Variants in EBF1 observed in about 807,000 individuals in gnomAD.
EBF1 encodes EBF transcription factor 1, also known as transcription factor COE1.
Under a neutral mutation model 68.4 loss-of-function variants are expected in EBF1, and 10 were observed. That is an observed-to-expected ratio of 0.15 (90% CI 0.09 to 0.25). The LOEUF is 0.25. Ranked by LOEUF, EBF1 falls within the 10% of genes least tolerant of loss-of-function variation. The pLI, the probability that EBF1 is intolerant of heterozygous loss-of-function variation, is 1.00. For missense variants in EBF1, 509 were observed against 794.4 expected, an observed-to-expected ratio of 0.64 and a Z score of 4.32; for synonymous variants, 298 against 299.8, an observed-to-expected ratio of 0.99 and a Z score of 0.06.
intron 7 of EBF1, among the ~76,000 whole-genome samples, chr5:158,835,411 A>G (rs77662959): frequency 0.056 from 8,556 of 152,262 alleles, 794 homozygotes; most frequent in African/African-American, 0.2. Context: ...AAATTGATCA[A>G]CACTGTAGCT....
intron 6 of EBF1, among the ~76,000 whole-genome samples, chr5:159,057,039 G>A (rs1318305935): frequency 6.6e-6 from 1 of 151,424 alleles, no homozygotes; most frequent in Non-Finnish European, 1.5e-5. Flanking sequence ...AATATTTTAT[G>A]ATGGGATATT....
intron 11 of EBF1, among the ~76,000 whole-genome samples, chr5:158,727,239 C>T (rs1037448303): frequency 2.6e-5 from 4 of 152,220 alleles, no homozygotes; most frequent in Non-Finnish European, 4.4e-5. Flanking sequence ...ACAGCTGACA[C>T]GCCTGACGCC....
At chr5:159,098,404 A>G (rs1355295470) in intron 1 of EBF1, among the ~76,000 whole-genome samples, 1 of 152,200 alleles carries the variant, frequency 6.6e-6, no homozygotes, top group Admixed American at 6.5e-5. Flanking sequence ...AGATATCAGA[A>G]TTAAAGTTGG....
rs542231751 is a variant in EBF1, at chr5:158,806,175, G to T, written c.779-9700C>A. On this transcript the variant is annotated intron_variant, in intron 8 of 15. Transcript: ENST00000313708. Reference sequence around the variant, plus strand: ...GCCATTAAGCCAGAGCTTGGTAGATGGCTCTGGGTTTCAACTCTATGACAA... The same window carrying T: ...GCCATTAAGCCAGAGCTTGGTAGATTGCTCTGGGTTTCAACTCTATGACAA... Among the ~76,000 whole-genome samples, 334 of 152,214 alleles carry T rather than the reference G, an allele frequency of 2.2e-3. 3 individuals carry two copies. Among genetic ancestry groups the T allele is most frequent in the African/African-American group, 7.9e-3 (327 of 41,544 alleles).
chr5:159,057,506 C>T (rs1325938768), intron 6 of EBF1, among the ~76,000 whole-genome samples: 2 of 152,158 alleles, frequency 1.3e-5, no homozygotes, highest in Non-Finnish European at 2.9e-5. Context: ...TGGACCCAAA[C>T]CCAGAAAAGA....
In EBF1 at chr5:158,823,165, G is replaced by T; in HGVS notation, c.778+11C>A. The T allele has an allele frequency of 6.2e-7, 1 of 1,613,858 alleles. No individual in the cohort carries two copies. Among genetic ancestry groups the T allele is most frequent in the South Asian group, 1.1e-5 (1 of 91,068 alleles). On this transcript the variant is annotated intron_variant, in intron 8 of 15. Transcript: ENST00000313708. ...AGTAGCAATGCCAACCAATGAAAAT[G>T]ATTCGCCTACCATGTTCCAGATAAG...
chr5:158,755,898 G>A (rs1025262789), intron 10 of EBF1, among the ~76,000 whole-genome samples: 1 of 152,062 alleles, frequency 6.6e-6, no homozygotes, highest in Admixed American at 6.5e-5. Context: ...GATTCTGAAC[G>A]AAATAGTGTA....
intron 11 of EBF1, 101 bp from the exon 12 acceptor site, chr5:158,714,283 G>T: frequency 7.2e-7 from 1 of 1,384,154 alleles, no homozygotes; most frequent in Non-Finnish European, 1.0e-6. Flanking sequence ...CTTTGCCAAG[G>T]CACTGCTATA....
intron 10 of EBF1, among the ~76,000 whole-genome samples, chr5:158,769,481 C>A (rs1773457098): frequency 6.6e-6 from 1 of 152,132 alleles, no homozygotes; most frequent in African/African-American, 2.4e-5. Flanking sequence ...GGTCATATTT[C>A]TTGGAAAGTA....
intron 6 of EBF1, among the ~76,000 whole-genome samples, chr5:158,966,774 A>G (rs1754248475): frequency 6.6e-6 from 1 of 152,226 alleles, no homozygotes. Flanking sequence ...CTTGGTACTG[A>G]AAACCAGGTC....
At chr5:158,823,888 C>T (rs1281901900) in intron 7 of EBF1, among the ~76,000 whole-genome samples, 1 of 151,772 alleles carries the variant, frequency 6.6e-6, no homozygotes. Flanking sequence ...TACCATCACC[C>T]CACCCCAAAA....
chr5:158,975,486 T>A (rs1374115147), intron 6 of EBF1, among the ~76,000 whole-genome samples: 1 of 152,062 alleles, frequency 6.6e-6, no homozygotes, highest in East Asian at 1.9e-4. Flanking sequence ...ACGAAAGAGT[T>A]TTTGGTGTTG....
At chr5:158,827,644 T>C (rs1384736504) in intron 7 of EBF1, among the ~76,000 whole-genome samples, 6 of 152,166 alleles carry the variant, frequency 3.9e-5, no homozygotes, top group Non-Finnish European at 8.8e-5. Context: ...TTGTATGTCC[T>C]AACTCTATTA....
intron 10 of EBF1, 100 bp from the exon 11 acceptor site, chr5:158,731,257 TTAAC>T (rs1380828471): frequency 5.6e-6 from 6 of 1,073,532 alleles, no homozygotes; most frequent in Non-Finnish European, 8.2e-6. Context: ...AGTCCAAAGT[TTAAC>T]TGATACTTTT....
chr5:158,706,007 T>A (rs1757776766), intron 15 of EBF1, among the ~76,000 whole-genome samples: 1 of 152,196 alleles, frequency 6.6e-6, no homozygotes, highest in Non-Finnish European at 1.5e-5. Flanking sequence ...TTTAAACCTA[T>A]TATAAGTTAT....
intron 6 of EBF1, among the ~76,000 whole-genome samples, chr5:159,020,065 G>A (rs982548314): frequency 1.3e-5 from 2 of 151,974 alleles, no homozygotes; most frequent in Admixed American, 6.6e-5. Context: ...CATCTCTAAC[G>A]TTCTCTATAG....
At chr5:158,704,095 G>C (rs976984222) in intron 15 of EBF1, among the ~76,000 whole-genome samples, 1 of 152,206 alleles carries the variant, frequency 6.6e-6, no homozygotes, top group African/African-American at 2.4e-5. Context: ...TTTGCTAGTT[G>C]TGTAAATGGG....
At chr5:158,927,870 T>C (rs1810016785) in intron 6 of EBF1, among the ~76,000 whole-genome samples, 2 of 152,214 alleles carry the variant, frequency 1.3e-5, no homozygotes, top group African/African-American at 4.8e-5. Flanking sequence ...TACACCCTCT[T>C]TACAGTTGAG....
At chr5:159,004,247 G>A (rs923131023) in intron 6 of EBF1, among the ~76,000 whole-genome samples, 5 of 147,268 alleles carry the variant, frequency 3.4e-5, no homozygotes, top group Admixed American at 6.8e-5. Context: ...CTGCTCTCCC[G>A]CCTGGGTGAC....
Sources: allele counts gnomAD v4.1 joint callset (sites outside exome capture counted in the v4.1 genomes callset), GRCh38; gene constraint gnomAD v4.1.1; transcripts MANE v1.5; gene names NCBI Gene and HGNC (gene_info 2026-07-23, HGNC 2026-07-21).